Variants in NAV2 observed in about 807,000 individuals in gnomAD.
NAV2 encodes the protein neuron navigator 2.
A neutral mutation model predicts 223.2 loss-of-function variants in NAV2; 54 were observed. The ratio of observed to expected loss-of-function variants is 0.24; its 90% CI spans 0.19 to 0.30. The LOEUF (loss-of-function observed/expected upper bound fraction) is 0.30. Ranked by LOEUF, NAV2 falls within the 10% of genes least tolerant of loss-of-function variation. NAV2 has a pLI of 1.00. For missense variants in NAV2, 2,806 were observed against 3,147.5 expected (o/e 0.89, Z 2.60); for synonymous variants, 1,279 against 1,239.3 (o/e 1.03, Z -0.67).
intron 5 of NAV2, among the ~76,000 whole-genome samples, chr11:19,889,269 C>G (rs2041289257): frequency 6.6e-6 from 1 of 152,098 alleles, no homozygotes; most frequent in African/African-American, 2.4e-5. Flanking sequence ...GTTTGTGAAC[C>G]AAATTTTGCT....
intron 1 of NAV2, among the ~76,000 whole-genome samples, chr11:19,376,693 A>T (rs1848652684): frequency 1.3e-5 from 2 of 152,234 alleles, no homozygotes; most frequent in South Asian, 4.1e-4. Context: ...GGTAGGGAAG[A>T]CAGCAAGTGA....
At chr11:19,346,114 T>C (rs1383810294), upstream of NAV2, among the ~76,000 whole-genome samples, 1 of 152,178 alleles carries the variant, frequency 6.6e-6, no homozygotes, top group Non-Finnish European at 1.5e-5. Flanking sequence ...TCTAGCTACG[T>C]CTGTCTCCGA....
intron 1 of NAV2, among the ~76,000 whole-genome samples, chr11:19,557,560 A>T (rs2044938974): frequency 6.6e-6 from 1 of 152,194 alleles, no homozygotes; most frequent in Admixed American, 6.5e-5. Context: ...TGGTTGCCAC[A>T]AGTCTGCTGA....
intron 1 of NAV2, among the ~76,000 whole-genome samples, chr11:19,743,040 G>A (rs1795906941): frequency 6.6e-6 from 1 of 152,250 alleles, no homozygotes; most frequent in South Asian, 2.1e-4. Flanking sequence ...AGGAAGAACA[G>A]TGGGGTTTAG....
In NAV2 at chr11:19,786,822, C is replaced by A. The variant is rs1205457005; in HGVS notation, c.268-45662C>A. Reference sequence around the variant, plus strand: ...AGAGGGAAGACACTTCTACAAATTACCCAGCAAGAACTGTGTGTTAAGGTG... The same window carrying A: ...AGAGGGAAGACACTTCTACAAATTAACCAGCAAGAACTGTGTGTTAAGGTG... On this transcript the variant is annotated intron_variant, in intron 1 of 37. Transcript: ENST00000349880. Among the ~76,000 whole-genome samples the A allele has an allele frequency of 3.3e-5, 5 of 152,150 alleles. No individual in the cohort carries two copies. In the East Asian group the frequency reaches 9.6e-4, roughly 29 times the overall value.
At chr11:19,823,959 T>C (rs2059524308) in intron 1 of NAV2, among the ~76,000 whole-genome samples, 1 of 152,086 alleles carries the variant, frequency 6.6e-6, no homozygotes, top group Non-Finnish European at 1.5e-5. Flanking sequence ...ATTGTGTTAA[T>C]TAAAAATCAG....
At chr11:19,492,732 A>T (rs2042671252) in intron 1 of NAV2, among the ~76,000 whole-genome samples, 1 of 152,218 alleles carries the variant, frequency 6.6e-6, no homozygotes, top group African/African-American at 2.4e-5. Flanking sequence ...ATAAAAACTT[A>T]AAAATTTTGT....
chr11:19,448,927 G>T (rs544327446), intron 1 of NAV2, among the ~76,000 whole-genome samples: 2 of 152,308 alleles, frequency 1.3e-5, no homozygotes, highest in South Asian at 2.1e-4. Context: ...TAAGGAAATA[G>T]AGCTGTTTAG....
At chr11:19,714,457 A>G in intron 1 of NAV2, 1 of 456,904 alleles carries the variant, frequency 2.2e-6, no homozygotes, top group South Asian at 1.5e-5. Context: ...GGTGGCAGTG[A>G]ACCTGCTCTT....
At chr11:19,614,586 C>T (rs2046740098) in intron 1 of NAV2, among the ~76,000 whole-genome samples, 1 of 152,154 alleles carries the variant, frequency 6.6e-6, no homozygotes. Context: ...ATTGACATAT[C>T]ATGGTTATCA....
intron 6 of NAV2, among the ~76,000 whole-genome samples, chr11:19,906,687 A>G (rs866404771): frequency 6.6e-6 from 1 of 152,220 alleles, no homozygotes; most frequent in Non-Finnish European, 1.5e-5. Context: ...CCAGTCCCAT[A>G]GAAGGTGTCT....
At chr11:19,616,419 C>T (rs896471386) in intron 1 of NAV2, among the ~76,000 whole-genome samples, 1 of 151,900 alleles carries the variant, frequency 6.6e-6, no homozygotes, top group Non-Finnish European at 1.5e-5. Context: ...GGTATATGCC[C>T]GCCTTTCTCC....
chr11:19,607,083 G>A (rs1268965562), intron 1 of NAV2, among the ~76,000 whole-genome samples: 1 of 152,258 alleles, frequency 6.6e-6, no homozygotes, highest in African/African-American at 2.4e-5. Context: ...CGGACTTGCA[G>A]AGCAGGCCGG....
intron 3 of NAV2, among the ~76,000 whole-genome samples, chr11:19,853,499 T>A (rs1310577758): frequency 6.7e-6 from 1 of 149,426 alleles, no homozygotes; most frequent in African/African-American, 2.5e-5. Flanking sequence ...CATCATGAGA[T>A]CTTTTTTTTG....
chr11:19,919,950 A>G (rs1397222763), intron 6 of NAV2, among the ~76,000 whole-genome samples: 3 of 152,118 alleles, frequency 2.0e-5, no homozygotes, highest in Non-Finnish European at 4.4e-5. Flanking sequence ...CCTGGACAAC[A>G]TAATGAGACC....
At chr11:19,634,202 C>G (rs1051655197) in intron 1 of NAV2, among the ~76,000 whole-genome samples, 1 of 152,192 alleles carries the variant, frequency 6.6e-6, no homozygotes, top group Non-Finnish European at 1.5e-5. Flanking sequence ...TCTCATACCC[C>G]CATTGTCCTC....
chr11:19,840,696 T>G (rs1030949781), intron 2 of NAV2, among the ~76,000 whole-genome samples: 2 of 152,168 alleles, frequency 1.3e-5, no homozygotes, highest in African/African-American at 4.8e-5. Flanking sequence ...TTTTTGGACT[T>G]TAGTATATAC....
At chr11:19,437,815 A>G (rs1350459677) in intron 1 of NAV2, among the ~76,000 whole-genome samples, 1 of 152,234 alleles carries the variant, frequency 6.6e-6, no homozygotes, top group East Asian at 1.9e-4. Flanking sequence ...ATAACTTTCT[A>G]TCATATAACT....
intron 1 of NAV2, among the ~76,000 whole-genome samples, chr11:19,450,425 A>G (rs1457314971): frequency 6.6e-6 from 1 of 152,204 alleles, no homozygotes. Flanking sequence ...GGCTAGGTCT[A>G]TCCTTTTCTC....
Sources: allele counts gnomAD v4.1 joint callset (sites outside exome capture counted in the v4.1 genomes callset), GRCh38; gene constraint gnomAD v4.1.1; transcripts MANE v1.5; gene names NCBI Gene and HGNC (gene_info 2026-07-23, HGNC 2026-07-21).